The following SLIT3 variants were observed in gnomAD, a reference collection of about 807,000 sequenced individuals.
The protein encoded by SLIT3 is slit homolog 3 protein.
Under a neutral mutation model 184.0 loss-of-function variants are expected in SLIT3, and 68 were observed. The observed-to-expected ratio is 0.37, with a 90% CI of 0.30 to 0.45. The LOEUF is 0.45. Ranked by LOEUF, SLIT3 falls within the 20% of genes least tolerant of loss-of-function variation. SLIT3 has a pLI of 1.00. For missense variants in SLIT3, 1,707 were observed against 2,026.0 expected, an observed-to-expected ratio of 0.84 and a Z score of 3.02; for synonymous variants, 831 against 828.6, an observed-to-expected ratio of 1.00 and a Z score of -0.05.
At chr5:169,298,499 AT>A (rs1767584085) in intron 1 of SLIT3, among the ~76,000 whole-genome samples, 1 of 152,188 alleles carries the variant, frequency 6.6e-6, no homozygotes. Flanking sequence ...ATGGAGCACG[AT>A]TTTGAAGATG....
chr5:168,829,706 A>G (rs1452312587), intron 6 of SLIT3, among the ~76,000 whole-genome samples: 1 of 152,252 alleles, frequency 6.6e-6, no homozygotes, highest in Non-Finnish European at 1.5e-5. Flanking sequence ...CAGTGCCTAC[A>G]GTGAATTAAC....
At chr5:169,085,102 C>A (rs1278594960) in intron 4 of SLIT3, among the ~76,000 whole-genome samples, 1 of 152,234 alleles carries the variant, frequency 6.6e-6, no homozygotes, top group African/African-American at 2.4e-5. Context: ...CCAACCACAT[C>A]CAATTCTCTA....
chr5:169,002,548 G>A (rs1755756538), intron 4 of SLIT3, among the ~76,000 whole-genome samples: 1 of 152,014 alleles, frequency 6.6e-6, no homozygotes, highest in Admixed American at 6.6e-5. Flanking sequence ...TGGCCACAGG[G>A]AGCCATTGTG....
chr5:168,892,652 T>C (rs1168684654), intron 4 of SLIT3, among the ~76,000 whole-genome samples: 1 of 152,228 alleles, frequency 6.6e-6, no homozygotes, highest in Non-Finnish European at 1.5e-5. Flanking sequence ...GGATTTAATC[T>C]GAGTTTTTCC....
At chr5:168,842,078 T>A (rs1481681623) in intron 6 of SLIT3, among the ~76,000 whole-genome samples, 1 of 152,110 alleles carries the variant, frequency 6.6e-6, no homozygotes, top group African/African-American at 2.4e-5. Context: ...CAGAGAAGCA[T>A]TATAAAATGT....
chr5:169,190,622 G>A (rs183485958), intron 4 of SLIT3, among the ~76,000 whole-genome samples: 4 of 152,198 alleles, frequency 2.6e-5, no homozygotes, highest in East Asian at 1.9e-4. Flanking sequence ...AGATAAACAC[G>A]AAATATTAAG....
At chr5:168,914,010 C>T (rs1322256435) in intron 4 of SLIT3, among the ~76,000 whole-genome samples, 1 of 152,162 alleles carries the variant, frequency 6.6e-6, no homozygotes, top group Non-Finnish European at 1.5e-5. Context: ...GCACATGTAA[C>T]TCTACCTAAC....
chr5:168,792,154 T>C (rs1241688437), intron 10 of SLIT3: 2 of 152,152 alleles, frequency 1.3e-5, no homozygotes, highest in Non-Finnish European at 2.9e-5. Context: ...TTTGTTGTGA[T>C]GGAGGCACAA....
At chr5:169,064,885 G>A (rs943701871) in intron 4 of SLIT3, among the ~76,000 whole-genome samples, 1 of 152,150 alleles carries the variant, frequency 6.6e-6, no homozygotes, top group African/African-American at 2.4e-5. Context: ...TTAATGAAAC[G>A]GAAATAAGAG....
At chr5:168,764,865 CG>C (rs1337705630) in intron 14 of SLIT3, among the ~76,000 whole-genome samples, 1 of 152,180 alleles carries the variant, frequency 6.6e-6, no homozygotes, top group Non-Finnish European at 1.5e-5. Context: ...TTGCCAGCTT[CG>C]TCCCTTTTGG....
At chr5:168,724,360 C>T (rs1763038125) in intron 21 of SLIT3, 56 bp downstream of exon 21, 3 of 1,467,396 alleles carry the variant, frequency 2.0e-6, no homozygotes, top group Non-Finnish European at 2.8e-6. Context: ...ACTTCAGTTT[C>T]CTGAGCGACC....
intron 7 of SLIT3, among the ~76,000 whole-genome samples, chr5:168,818,272 T>C (rs1371566245): frequency 6.6e-6 from 1 of 152,176 alleles, no homozygotes; most frequent in African/African-American, 2.4e-5. Flanking sequence ...CCTCTGGTAG[T>C]TGTGGTTCCG....
intron 3 of SLIT3, among the ~76,000 whole-genome samples, chr5:169,230,786 G>C (rs573565901): frequency 1.3e-5 from 2 of 152,156 alleles, no homozygotes; most frequent in East Asian, 3.9e-4. Context: ...ATCTCAGAAT[G>C]GTAAATTTCT....
intron 3 of SLIT3, among the ~76,000 whole-genome samples, chr5:169,230,420 A>G (rs1764963033): frequency 6.6e-6 from 1 of 152,250 alleles, no homozygotes; most frequent in South Asian, 2.1e-4. Flanking sequence ...CTCTACTAGG[A>G]GCAAAATAAC....
intron 32 of SLIT3, among the ~76,000 whole-genome samples, chr5:168,679,039 G>T (rs1761500495): frequency 6.6e-6 from 1 of 152,136 alleles, no homozygotes; most frequent in Non-Finnish European, 1.5e-5. Flanking sequence ...GGCCAGAGTG[G>T]CCCATGGCCT....
chr5:168,759,454 A>G (rs1755062088), intron 16 of SLIT3, among the ~76,000 whole-genome samples: 1 of 152,252 alleles, frequency 6.6e-6, no homozygotes, highest in Non-Finnish European at 1.5e-5. Context: ...TGTAAGACAC[A>G]TCACAGCCTT....
intron 4 of SLIT3, among the ~76,000 whole-genome samples, chr5:168,959,783 T>C (rs998543987): frequency 1.3e-5 from 2 of 152,120 alleles, no homozygotes; most frequent in East Asian, 1.9e-4. Context: ...CTTTGCTGAA[T>C]TGAGACATTC....
chr5:168,945,746 C>G (rs1251770570), intron 4 of SLIT3, among the ~76,000 whole-genome samples: 1 of 152,354 alleles, frequency 6.6e-6, no homozygotes, highest in Non-Finnish European at 1.5e-5. Context: ...CTCCTCCCAA[C>G]ACGTGCAACA....
At chr5:169,011,729 C>T (rs1182083336) in intron 4 of SLIT3, among the ~76,000 whole-genome samples, 2 of 152,186 alleles carry the variant, frequency 1.3e-5, no homozygotes, top group Non-Finnish European at 2.9e-5. Context: ...CTCAACCACA[C>T]TTGAAAAGTA....
Sources: allele counts gnomAD v4.1 joint callset (sites outside exome capture counted in the v4.1 genomes callset), GRCh38; gene constraint gnomAD v4.1.1; transcripts MANE v1.5; gene names NCBI Gene and HGNC (gene_info 2026-07-23, HGNC 2026-07-21).